The following IL2RB variants were observed in gnomAD, a reference collection of about 807,000 sequenced individuals.
The protein encoded by IL2RB is interleukin-2 receptor subunit beta.
A neutral mutation model predicts 44.2 loss-of-function variants in IL2RB; 17 were observed. The observed-to-expected ratio is 0.38, with a 90% CI of 0.26 to 0.58. IL2RB has a LOEUF of 0.58. Among genes scored for constraint, IL2RB ranks in the 20% least tolerant of loss-of-function variants. The pLI, the probability that IL2RB is intolerant of heterozygous loss-of-function variation, is 0.63. For missense variants in IL2RB, 624 were observed against 685.5 expected, an observed-to-expected ratio of 0.91 and a Z score of 1.00; for synonymous variants, 286 against 297.9, an observed-to-expected ratio of 0.96 and a Z score of 0.41.
At chr22:37,136,471 C>CCA (rs1921708369) in intron 6 of IL2RB, 78 bp from the exon 7 acceptor site, 5 of 1,444,562 alleles carry the variant, frequency 3.5e-6, no homozygotes, top group Admixed American at 2.1e-5. Flanking sequence ...ACAGAACCCC[C>CCA]CCCCAACCCC....
intron 1 of IL2RB, among the ~76,000 whole-genome samples, chr22:37,147,257 G>A (rs140131452): frequency 2.6e-3 from 402 of 152,274 alleles, no homozygotes; most frequent in African/African-American, 8.6e-3. Flanking sequence ...ATGAGGAAAC[G>A]GAGGCACACA....
chr22:37,135,624 T>C (rs1381363854), intron 7 of IL2RB, among the ~76,000 whole-genome samples, 182 bp from the exon 8 acceptor site: 7 of 152,138 alleles, frequency 4.6e-5, no homozygotes, highest in Non-Finnish European at 1.0e-4. Context: ...TAAAAAGAAA[T>C]GACACGGTGG....
At chr22:37,142,309 G>T in intron 4 of IL2RB, 125 bp downstream of exon 4, 3 of 874,348 alleles carry the variant, frequency 3.4e-6, no homozygotes, top group Non-Finnish European at 3.7e-6. Flanking sequence ...TGGGCATCCT[G>T]CTTAGCCACA....
At chr22:37,130,586 G>A (rs554283317) in intron 9 of IL2RB, among the ~76,000 whole-genome samples, 5 of 152,124 alleles carry the variant, frequency 3.3e-5, no homozygotes, top group Non-Finnish European at 7.4e-5. Flanking sequence ...TCAGGACCCC[G>A]CTCCACACAC....
intron 1 of IL2RB, among the ~76,000 whole-genome samples, chr22:37,145,996 C>G (rs1316023148): frequency 1.3e-5 from 2 of 152,166 alleles, no homozygotes; most frequent in African/African-American, 4.8e-5. Context: ...GTCTGCAGGA[C>G]CCCCTCACAG....
intron 4 of IL2RB, among the ~76,000 whole-genome samples, chr22:37,139,873 C>A (rs548543868): frequency 1.3e-4 from 20 of 152,206 alleles, no homozygotes; most frequent in Non-Finnish European, 2.6e-4. Flanking sequence ...AAGGGACCTG[C>A]GCCAGGTCAT....
chr22:37,160,851 CAAACA>C (rs1922842292), intron 1 of IL2RB, among the ~76,000 whole-genome samples: 1 of 149,758 alleles, frequency 6.7e-6, no homozygotes, highest in Non-Finnish European at 1.5e-5. Context: ...CTCAAAAAAA[CAAACA>C]AAAGACTGGA....
At chr22:37,153,873 A>C (rs1207744008), upstream of IL2RB, among the ~76,000 whole-genome samples, 1 of 152,264 alleles carries the variant, frequency 6.6e-6, no homozygotes, top group East Asian at 1.9e-4. Context: ...CAGAAGTCAC[A>C]GACCCAGCTT....
intron 1 of IL2RB, among the ~76,000 whole-genome samples, chr22:37,161,243 T>C (rs1434635294): frequency 6.6e-6 from 1 of 152,084 alleles, no homozygotes. Context: ...AGCCGGCCCA[T>C]ATGTGAGGAA....
chr22:37,137,539 G>T, intron 6 of IL2RB, 48 bp downstream of exon 6: 1 of 1,600,264 alleles, frequency 6.2e-7, no homozygotes, highest in Non-Finnish European at 8.6e-7. Flanking sequence ...CATGGACCAG[G>T]ACAGGAAGGA....
In IL2RB at chr22:37,135,226, G is replaced by A. The variant is rs1921623534; in HGVS notation, c.818+102C>T. On this transcript the variant is annotated intron_variant, in intron 8 of 9. Coordinates refer to ENST00000216223, the MANE Select transcript of IL2RB (RefSeq NM_000878.5). ...GGCATGTGTTCATGTAAGTGTGTGT[G>A]TGTGTGTATGTGTGCTTGTGTGCGT... 4 of 761,564 alleles carry A rather than the reference G, an allele frequency of 5.3e-6. No individual in the cohort carries two copies. The Admixed American group carries it at 7.7e-5, about 15-fold the overall frequency. The allele number at this position is 761,564 out of a possible 1,614,324, so 47.2% of individuals were successfully genotyped here.
At chr22:37,142,261 G>T (rs1922004070) in intron 4 of IL2RB, among the ~76,000 whole-genome samples, 173 bp downstream of exon 4, 1 of 152,192 alleles carries the variant, frequency 6.6e-6, no homozygotes, top group Non-Finnish European at 1.5e-5. Context: ...TCCACTCCCT[G>T]GGGTGTCACC....
chr22:37,135,547 G>A (rs1921646392), intron 7 of IL2RB, 105 bp from the exon 8 acceptor site: 1 of 686,822 alleles, frequency 1.5e-6, no homozygotes, highest in Non-Finnish European at 2.6e-6. Flanking sequence ...TGCCACGCAG[G>A]CCTGCGTCTG....
chr22:37,164,841 C>T (rs1352200803), intron 1 of IL2RB, among the ~76,000 whole-genome samples: 1 of 152,180 alleles, frequency 6.6e-6, no homozygotes, highest in Non-Finnish European at 1.5e-5. Context: ...CTCCTCTAGC[C>T]CTTACTACGC....
At position 37,136,303 on chromosome 22, in the gene IL2RB, C is replaced by A. The variant is rs748219773; in HGVS notation, c.628G>T (p.Val210Phe). 6.2e-7 allele frequency: 1 copy of A among 1,612,952 alleles called. No individual in the cohort carries two copies. Among genetic ancestry groups the A allele is most frequent in the Non-Finnish European group, 8.5e-7 (1 of 1,179,674 alleles). ...PDTQYEFQVR[V>F]KPLQGEFTTW... Reference sequence around the variant, plus strand: ...GTGAACTCGCCTTGCAGAGGCTTGACCCGCACCTGAAACTCATACTGGGTG... The same window carrying A: ...GTGAACTCGCCTTGCAGAGGCTTGAACCGCACCTGAAACTCATACTGGGTG... Residue 210 changes from valine (V) to phenylalanine (F), a missense_variant, in exon 7 of 10, where the codon GTC becomes TTC. Transcript: ENST00000216223.
intron 1 of IL2RB, among the ~76,000 whole-genome samples, chr22:37,155,135 T>C (rs1922634234): frequency 6.6e-6 from 1 of 152,090 alleles, no homozygotes; most frequent in South Asian, 2.1e-4. Context: ...GGTGAGACAG[T>C]ACGCCAGCAG....
rs1481561624 is a variant in IL2RB, at chr22:37,127,362, T to A, written c.*734A>T. ...CTGACGCTAGAAGTTTCTGGCAGAT[T>A]AAGGGAGGCAGTGCTTCCCTCCAGG... On this transcript the variant is annotated 3_prime_UTR_variant, in exon 10 of 10. Transcript: ENST00000216223. 6.6e-6 allele frequency: 1 copy of A among 152,144 alleles called. No individual in the cohort carries two copies. The highest frequency in any genetic ancestry group is 2.4e-5 in the African/African-American group (1 of 41,418). 9.4% of individuals were successfully genotyped at this position (152,144 alleles called of 1,614,324 possible).
At chr22:37,159,865 T>C (rs943152957) in intron 1 of IL2RB, among the ~76,000 whole-genome samples, 2 of 152,216 alleles carry the variant, frequency 1.3e-5, no homozygotes, top group Admixed American at 6.5e-5. Flanking sequence ...GGCCACCCGT[T>C]GTTATTCCCA....
chr22:37,128,055 G>T lies in IL2RB; in HGVS notation c.*41C>A. 6.8e-7 allele frequency: 1 copy of T among 1,463,940 alleles called. No homozygotes were observed. The highest frequency in any genetic ancestry group is 9.0e-7 in the Non-Finnish European group (1 of 1,109,480). 90.7% of individuals were successfully genotyped at this position (1,463,940 alleles called of 1,614,324 possible). A position where few individuals can be genotyped will look rare whatever the true frequency, so the allele number is the denominator to read the frequency against. On this transcript the variant is annotated 3_prime_UTR_variant, in exon 10 of 10. Coordinates refer to ENST00000216223, the MANE Select transcript of IL2RB (RefSeq NM_000878.5). The surrounding 1 kb of genome is among the most constrained non-coding windows in gnomAD (Gnocchi z 4.5). ...CAACAGGGTCCTTCTGAGGCTCGGC[G>T]CAGAGCAGGCAGCTGCCTGCCTCCC...
Sources: allele counts gnomAD v4.1 joint callset (sites outside exome capture counted in the v4.1 genomes callset), GRCh38; gene constraint gnomAD v4.1.1; non-coding constraint Gnocchi (gnomAD v3.1); transcripts MANE v1.5; gene names NCBI Gene and HGNC (gene_info 2026-07-23, HGNC 2026-07-21).